Variants in EPM2A observed in about 807,000 individuals in gnomAD.
EPM2A encodes the protein laforin.
A neutral mutation model predicts 26.5 loss-of-function variants in EPM2A; 21 were observed. The ratio of observed to expected loss-of-function variants is 0.79; its 90% CI spans 0.56 to 1.14. The LOEUF is 1.14. Among genes scored for constraint, EPM2A ranks in the 50% most tolerant of loss-of-function variants. The pLI is 0.00. For missense variants in EPM2A, 458 were observed against 440.8 expected (o/e 1.04, Z -0.35); for synonymous variants, 217 against 177.6 (o/e 1.22, Z -1.76).
At chr6:145,454,418 C>G (rs889629878) in intron 4 of EPM2A, among the ~76,000 whole-genome samples, 1 of 152,000 alleles carries the variant, frequency 6.6e-6, no homozygotes, top group East Asian at 1.9e-4. Context: ...CTAGTTATCT[C>G]GAGCTTCCAT....
At chr6:145,405,494 A>C (rs1778554784) in intron 4 of EPM2A, among the ~76,000 whole-genome samples, 1 of 152,162 alleles carries the variant, frequency 6.6e-6, no homozygotes, top group African/African-American at 2.4e-5. Context: ...TCATGCCAGA[A>C]GCAGAAATGG....
intron 4 of EPM2A, chr6:145,463,255 G>A (rs975785650): frequency 2.6e-5 from 4 of 151,002 alleles, no homozygotes; most frequent in African/African-American, 7.3e-5. Context: ...GAGTGCAAAC[G>A]AAATTCCTCA....
chr6:145,649,022 A>G (rs1377918834), intron 2 of EPM2A, among the ~76,000 whole-genome samples: 4 of 152,336 alleles, frequency 2.6e-5, no homozygotes, highest in Non-Finnish European at 2.9e-5. Flanking sequence ...GATTTAATTG[A>G]TTTGTAGACT....
chr6:145,553,075 G>A (rs756701403), intron 2 of EPM2A, among the ~76,000 whole-genome samples: 1 of 152,042 alleles, frequency 6.6e-6, no homozygotes, highest in East Asian at 1.9e-4. Context: ...ATTGAATCAT[G>A]AGGGCAGTTT....
chr6:145,554,613 T>C (rs1036196200), intron 2 of EPM2A, among the ~76,000 whole-genome samples: 3 of 152,040 alleles, frequency 2.0e-5, no homozygotes, highest in Admixed American at 2.0e-4. Context: ...GGAGGTCCAA[T>C]ACAAAGCAGC....
intron 4 of EPM2A, chr6:145,490,179 G>A (rs1282562956): frequency 1.7e-5 from 17 of 1,022,420 alleles, no homozygotes; most frequent in African/African-American, 6.5e-5. Flanking sequence ...ATTACTAGAC[G>A]CTCTGAAATA....
intron 4 of EPM2A, among the ~76,000 whole-genome samples, chr6:145,408,642 A>G (rs531541374): frequency 1.3e-5 from 2 of 152,312 alleles, no homozygotes; most frequent in East Asian, 3.9e-4. Flanking sequence ...AGTTTTAAAC[A>G]GATACCTGCT....
At chr6:145,498,344 C>T (rs187496042), downstream of EPM2A, among the ~76,000 whole-genome samples, 1 of 152,174 alleles carries the variant, frequency 6.6e-6, no homozygotes, top group South Asian at 2.1e-4. Context: ...GATTCCACCC[C>T]CTTCCTAGGG....
chr6:145,608,667 G>T, intron 2 of EPM2A, among the ~76,000 whole-genome samples: 1 of 152,162 alleles, frequency 6.6e-6, no homozygotes, highest in East Asian at 1.9e-4. Flanking sequence ...AGAGCTGTTT[G>T]GGGGTCCTGG....
At chr6:145,546,980 A>AAGGTC (rs1167027897) in intron 2 of EPM2A, among the ~76,000 whole-genome samples, 2 of 152,080 alleles carry the variant, frequency 1.3e-5, no homozygotes, top group East Asian at 3.9e-4. Context: ...TAAAATAATA[A>AAGGTC]TTTCTACTTT....
chr6:145,532,511 C>A (rs1780372598), intron 2 of EPM2A, among the ~76,000 whole-genome samples: 2 of 152,096 alleles, frequency 1.3e-5, no homozygotes, highest in Non-Finnish European at 2.9e-5. Flanking sequence ...GGGAGGCAAC[C>A]AGGTTGATTA....
intron 4 of EPM2A, among the ~76,000 whole-genome samples, chr6:145,468,795 TC>T (rs1211652694): frequency 6.6e-6 from 1 of 151,910 alleles, no homozygotes; most frequent in Non-Finnish European, 1.5e-5. Flanking sequence ...TTGGATCACA[TC>T]AAGTTAAAAA....
At chr6:145,426,564 C>T (rs1167463742) in intron 4 of EPM2A, among the ~76,000 whole-genome samples, 1 of 152,080 alleles carries the variant, frequency 6.6e-6, no homozygotes, top group Non-Finnish European at 1.5e-5. Context: ...TAAAACTATG[C>T]ATCCTTATAA....
At chr6:145,421,603 A>T (rs1056642575) in intron 4 of EPM2A, among the ~76,000 whole-genome samples, 3 of 151,820 alleles carry the variant, frequency 2.0e-5, no homozygotes, top group African/African-American at 7.2e-5. Flanking sequence ...ATAAGAGGTT[A>T]AAAAAAAGCA....
intron 4 of EPM2A, among the ~76,000 whole-genome samples, chr6:145,409,290 A>C (rs1778611661): frequency 1.3e-5 from 2 of 152,176 alleles, no homozygotes; most frequent in Admixed American, 6.6e-5. Flanking sequence ...AAAAAAGAAA[A>C]AAATTGACTT....
At chr6:145,405,264 T>G (rs1402101235) in intron 4 of EPM2A, among the ~76,000 whole-genome samples, 1 of 152,170 alleles carries the variant, frequency 6.6e-6, no homozygotes, top group Non-Finnish European at 1.5e-5. Context: ...TACAAGTTGT[T>G]AGACAAACAC....
At chr6:145,611,143 G>A (rs1167467178) in intron 2 of EPM2A, among the ~76,000 whole-genome samples, 1 of 152,036 alleles carries the variant, frequency 6.6e-6, no homozygotes, top group African/African-American at 2.4e-5. Flanking sequence ...AATATATTCT[G>A]TACTGACAAG....
chr6:145,400,349 G>A (rs1051349244), intron 4 of EPM2A, among the ~76,000 whole-genome samples: 4 of 152,136 alleles, frequency 2.6e-5, no homozygotes, highest in African/African-American at 7.2e-5. Context: ...TGACACAGAA[G>A]GTCAGACAGA....
intron 2 of EPM2A, among the ~76,000 whole-genome samples, chr6:145,575,388 C>A (rs1450338209): frequency 3.9e-5 from 6 of 152,148 alleles, no homozygotes; most frequent in African/African-American, 1.4e-4. Flanking sequence ...AGTGCACACA[C>A]CTTTTGTTGC....
Sources: allele counts gnomAD v4.1 joint callset (sites outside exome capture counted in the v4.1 genomes callset), GRCh38; gene constraint gnomAD v4.1.1; transcripts MANE v1.5; gene names NCBI Gene and HGNC (gene_info 2026-07-23, HGNC 2026-07-21).